The following PRSS12 variants were observed in gnomAD, a reference collection of about 807,000 sequenced individuals.
The protein encoded by PRSS12 is serine protease 12, also known as neurotrypsin.
Under a neutral mutation model 104.4 loss-of-function variants are expected in PRSS12, and 85 were observed. The ratio of observed to expected loss-of-function variants is 0.81; its 90% CI spans 0.68 to 0.98. The LOEUF (loss-of-function observed/expected upper bound fraction) is 0.98. Ranked by LOEUF, PRSS12 falls within the 50% of genes least tolerant of loss-of-function variation. The pLI is 0.00. For synonymous variants in PRSS12, 454 were observed against 425.2 expected, an observed-to-expected ratio of 1.07 and a Z score of -0.83; for missense variants, 1,141 against 1,139.2, an observed-to-expected ratio of 1.00 and a Z score of -0.02.
chr4:118,337,116 T>C (rs565544410), intron 2 of PRSS12, among the ~76,000 whole-genome samples: 40 of 152,342 alleles, frequency 2.6e-4, no homozygotes, highest in Middle Eastern at 3.4e-3. Flanking sequence ...TTTTATTCAA[T>C]ACTCATTCCT....
At chr4:118,316,091 T>A in intron 6 of PRSS12, 91 bp downstream of exon 6, 1 of 1,384,814 alleles carries the variant, frequency 7.2e-7, no homozygotes, top group Non-Finnish European at 1.0e-6. Flanking sequence ...GTATTTTTAT[T>A]ATTATAAAAA....
At chr4:118,295,696 A>G in intron 10 of PRSS12, 82 bp downstream of exon 10, 2 of 1,296,540 alleles carry the variant, frequency 1.5e-6, no homozygotes, top group Non-Finnish European at 2.2e-6. Context: ...TCCCTTATAT[A>G]ACAGAACATC....
intron 1 of PRSS12, among the ~76,000 whole-genome samples, chr4:118,344,889 T>C (rs1057297351): frequency 1.5e-4 from 23 of 152,014 alleles, no homozygotes; most frequent in African/African-American, 5.6e-4. Flanking sequence ...ACAAATTGTG[T>C]GTCCCCAGAC....
intron 7 of PRSS12, among the ~76,000 whole-genome samples, chr4:118,310,732 C>A (rs1445160935): frequency 6.6e-6 from 1 of 152,028 alleles, no homozygotes; most frequent in African/African-American, 2.4e-5. Context: ...AAGATAAATT[C>A]TAACATGCAT....
chr4:118,342,087 A>G (rs1280921023), intron 1 of PRSS12, among the ~76,000 whole-genome samples: 1 of 152,146 alleles, frequency 6.6e-6, no homozygotes, highest in Non-Finnish European at 1.5e-5. Context: ...GTAGAAGCTG[A>G]TTTGTCCCAC....
intron 8 of PRSS12, chr4:118,303,240 A>T (rs569615822): frequency 1.3e-5 from 2 of 152,122 alleles, no homozygotes; most frequent in African/African-American, 2.4e-5. Flanking sequence ...CATGAAAATC[A>T]AAAAACAGAT....
At chr4:118,321,235 C>T (rs1045688331) in intron 4 of PRSS12, among the ~76,000 whole-genome samples, 3 of 152,166 alleles carry the variant, frequency 2.0e-5, no homozygotes, top group Non-Finnish European at 4.4e-5. Flanking sequence ...GTCATGTCTA[C>T]TCTGGAAAGA....
intron 4 of PRSS12, among the ~76,000 whole-genome samples, chr4:118,323,017 C>T (rs891537360): frequency 7.2e-5 from 11 of 152,040 alleles, no homozygotes; most frequent in South Asian, 4.1e-4. Context: ...TGATGCCACA[C>T]GAATTCCTAA....
chr4:118,316,347 G>C, intron 5 of PRSS12, 24 bp from the exon 6 acceptor site: 1 of 1,613,644 alleles, frequency 6.2e-7, no homozygotes, highest in Admixed American at 1.7e-5. Flanking sequence ...GAGACACAGA[G>C]ACTAAGCAAA....
At position 118,338,333 on chromosome 4, in the gene PRSS12, C is replaced by T. The variant is rs533465930; in HGVS notation, c.503-19G>A. On this transcript the variant is annotated intron_variant, in intron 1 of 12. Transcript: ENST00000296498. Reference sequence around the variant, plus strand: ...ACTGATCCTAAAGTGGAAAAGAATCCCAAAACCCTTTAATAGTAAATAATC... The same window carrying T: ...ACTGATCCTAAAGTGGAAAAGAATCTCAAAACCCTTTAATAGTAAATAATC... The T allele has an allele frequency of 4.3e-6, 7 of 1,613,656 alleles. No individual in the cohort carries two copies. In the East Asian group the frequency reaches 1.6e-4, roughly 36 times the overall value.
Position 118,352,835 on chromosome 4 carries a change from C to T in PRSS12, c.-115G>A. 1 of 1,496,824 alleles carries T rather than the reference C, an allele frequency of 6.7e-7. No homozygotes were observed. Among genetic ancestry groups the T allele is most frequent in the African/African-American group, 1.4e-5 (1 of 70,922 alleles). The allele number at this position is 1,496,824 out of a possible 1,614,324, so 92.7% of individuals were successfully genotyped here. A position where few individuals can be genotyped will look rare whatever the true frequency, so the allele number is the denominator to read the frequency against. On this transcript the variant is annotated 5_prime_UTR_variant, in exon 1 of 13. Transcript: ENST00000296498. ...TCCCTCGAATCCCCCAGCCCCCTCC[C>T]GCCCCCGCACGCGGACCGCCCTCGC... is the stretch of plus-strand genomic sequence containing the variant.
intron 4 of PRSS12, 59 bp downstream of exon 4, chr4:118,331,657 T>C: frequency 2.5e-6 from 4 of 1,607,094 alleles, no homozygotes; most frequent in Non-Finnish European, 3.4e-6. Flanking sequence ...CACCTGCCTT[T>C]GGGTATGGAA....
chr4:118,319,765 C>T (rs539332312), intron 4 of PRSS12, among the ~76,000 whole-genome samples: 1 of 152,168 alleles, frequency 6.6e-6, no homozygotes, highest in Admixed American at 6.5e-5. Flanking sequence ...GCAGTCTTGA[C>T]CTCCTGGGCT....
At position 118,352,955 on chromosome 4, in the gene PRSS12, G is replaced by C; in HGVS notation, c.-235C>G. On this transcript the variant is annotated 5_prime_UTR_variant, in exon 1 of 13. Transcript: ENST00000296498. ...GGGTGGGGAAATCTGGAGCTCAGCC[G>C]AGCCCCGGCCGGCGGAGAGGACCGG... The C allele has an allele frequency of 2.6e-6, 3 of 1,137,058 alleles. No individual in the cohort carries two copies. In the South Asian group the frequency reaches 5.6e-5, roughly 21 times the overall value. 70.4% of individuals were successfully genotyped at this position (1,137,058 alleles called of 1,614,324 possible). A position where few individuals can be genotyped will look rare whatever the true frequency, so the allele number is the denominator to read the frequency against.
intron 4 of PRSS12, among the ~76,000 whole-genome samples, chr4:118,329,432 C>G (rs542141344): frequency 6.6e-6 from 1 of 152,240 alleles, no homozygotes; most frequent in East Asian, 1.9e-4. Context: ...TTGGCAAAGA[C>G]ATAGGTTTCT....
intron 2 of PRSS12, among the ~76,000 whole-genome samples, chr4:118,336,581 T>A (rs975924914): frequency 6.6e-6 from 1 of 152,154 alleles, no homozygotes; most frequent in African/African-American, 2.4e-5. Context: ...TTAAATGGAC[T>A]ACTGAGAGAT....
At chr4:118,314,719 T>G (rs894883597) in intron 6 of PRSS12, among the ~76,000 whole-genome samples, 3 of 152,088 alleles carry the variant, frequency 2.0e-5, no homozygotes, top group African/African-American at 7.2e-5. Context: ...ACACACATTA[T>G]TGAGAACATT....
chr4:118,317,826 C>G (rs1723489538), intron 5 of PRSS12, among the ~76,000 whole-genome samples: 1 of 152,134 alleles, frequency 6.6e-6, no homozygotes, highest in South Asian at 2.1e-4. Flanking sequence ...TTTCCTTCTT[C>G]TTCTCCCTAA....
intron 8 of PRSS12, among the ~76,000 whole-genome samples, chr4:118,300,857 C>A (rs944579467): frequency 6.6e-5 from 10 of 152,002 alleles, no homozygotes; most frequent in Admixed American, 3.9e-4. Context: ...GTAGGTGATT[C>A]TTCTGCGGAT....
Sources: gnomAD v4.1 joint callset for allele counts (sites outside exome capture counted in the v4.1 genomes callset) on GRCh38, gnomAD v4.1.1 for gene constraint, MANE v1.5 for transcripts, NCBI Gene and HGNC (gene_info 2026-07-23, HGNC 2026-07-21) for gene names.